The following PCDH11Y variants were observed in gnomAD, a reference collection of about 807,000 sequenced individuals.
PCDH11Y encodes protocadherin-11 Y-linked.
For synonymous variants in PCDH11Y, 9 were observed against 83.6 expected (o/e 0.11, Z 4.87); for missense variants, 12 against 224.8 (o/e 0.05, Z 6.05).
chrY:5,271,605 G>GA (rs2053036856), intron 2 of PCDH11Y, among the ~76,000 whole-genome samples: 1 of 33,203 alleles, frequency 3.0e-5, no homozygotes, highest in African/African-American at 1.1e-4. Context: ...ATGCTTACAT[G>GA]AAAAAATAAA....
chrY:5,100,104 T>C (rs2124636488), exon 2 of PCDH11Y: 1 of 394,659 alleles, frequency 2.5e-6, no homozygotes, highest in East Asian at 9.4e-5. Flanking sequence ...CTAGTGACTA[T>C]GTCAAGATCC....
At chrY:5,240,106 G>A (rs1602892074) in intron 2 of PCDH11Y, among the ~76,000 whole-genome samples, 1 of 33,712 alleles carries the variant, frequency 3.0e-5, no homozygotes, top group Non-Finnish European at 7.3e-5. Flanking sequence ...AATGTTCACC[G>A]CATCTTCACC....
At chrY:5,244,680 G>A in intron 2 of PCDH11Y, among the ~76,000 whole-genome samples, 1 of 34,073 alleles carries the variant, frequency 2.9e-5, no homozygotes, top group African/African-American at 1.1e-4. Flanking sequence ...CCCCAACCAC[G>A]GAGCTGCATA....
At chrY:5,616,064 C>A in intron 4 of PCDH11Y, among the ~76,000 whole-genome samples, 1 of 32,966 alleles carries the variant, frequency 3.0e-5, no homozygotes, top group Non-Finnish European at 7.5e-5. Context: ...TCCACCCATT[C>A]CCATATCCCT....
chrY:5,413,953 G>A, intron 2 of PCDH11Y, among the ~76,000 whole-genome samples: 1 of 32,635 alleles, frequency 3.1e-5, no homozygotes, highest in East Asian at 8.2e-4. Context: ...TGTCCTCTTT[G>A]AAATTTCCGA....
intron 3 of PCDH11Y, among the ~76,000 whole-genome samples, chrY:5,557,485 G>A: frequency 3.0e-5 from 1 of 33,248 alleles, no homozygotes; most frequent in Non-Finnish European, 7.5e-5. Context: ...TTGGGAAGGA[G>A]TGTAAAAATT....
chrY:5,668,947 T>C, intron 4 of PCDH11Y, among the ~76,000 whole-genome samples: 1 of 30,918 alleles, frequency 3.2e-5, no homozygotes, highest in African/African-American at 1.3e-4. Flanking sequence ...TGGTTCAGAA[T>C]AAATAAAACA....
intron 2 of PCDH11Y, among the ~76,000 whole-genome samples, chrY:5,345,767 G>A (rs2053151705): frequency 3.3e-5 from 1 of 30,587 alleles, no homozygotes; most frequent in Admixed American, 3.1e-4. Flanking sequence ...GGGTTCAAGC[G>A]AGTCTCCAGC....
intron 2 of PCDH11Y, among the ~76,000 whole-genome samples, chrY:5,418,409 G>A: frequency 3.6e-5 from 1 of 27,838 alleles, no homozygotes; most frequent in Non-Finnish European, 8.6e-5. Flanking sequence ...CAACCTATGT[G>A]GATGGTATTA....
At chrY:5,239,617 A>C in intron 2 of PCDH11Y, among the ~76,000 whole-genome samples, 1 of 33,784 alleles carries the variant, frequency 3.0e-5, no homozygotes, top group African/African-American at 1.2e-4. Context: ...AAAAAAGATA[A>C]AATAAAACAA....
intron 2 of PCDH11Y, among the ~76,000 whole-genome samples, chrY:5,492,042 C>T (rs1163852827): frequency 0.012 from 390 of 33,671 alleles, no homozygotes; most frequent in Non-Finnish European, 6.6e-4. Context: ...TCTGGTGAAG[C>T]AATACCCCAA....
chrY:5,185,549 A>C, intron 2 of PCDH11Y, among the ~76,000 whole-genome samples: 2 of 30,477 alleles, frequency 6.6e-5, no homozygotes. Context: ...AGATTAGTTG[A>C]CTCTATACAT....
intron 1 of PCDH11Y, among the ~76,000 whole-genome samples, chrY:5,025,141 A>G: frequency 3.0e-5 from 1 of 33,290 alleles, no homozygotes; most frequent in African/African-American, 1.2e-4. Flanking sequence ...AAATGCACTT[A>G]TCACAGTTCT....
chrY:5,297,729 C>G (rs2053076808), intron 2 of PCDH11Y, among the ~76,000 whole-genome samples: 4 of 33,150 alleles, frequency 1.2e-4, no homozygotes, highest in Admixed American at 8.3e-4. Flanking sequence ...CTCCATACCT[C>G]GTGGCCACAA....
At chrY:5,460,905 A>G in intron 2 of PCDH11Y, among the ~76,000 whole-genome samples, 3 of 33,477 alleles carry the variant, frequency 9.0e-5, no homozygotes, top group African/African-American at 2.3e-4. Context: ...TATTATGTGA[A>G]TAAATAATGC....
At chrY:5,637,022 A>C in intron 4 of PCDH11Y, among the ~76,000 whole-genome samples, 2 of 32,761 alleles carry the variant, frequency 6.1e-5, no homozygotes, top group East Asian at 1.6e-3. Flanking sequence ...TGATTCAATA[A>C]AGTTTTTTCT....
chrY:5,045,418 T>C, intron 3 of PCDH11Y, among the ~76,000 whole-genome samples: 1 of 32,701 alleles, frequency 3.1e-5, no homozygotes, highest in Non-Finnish European at 7.5e-5. Context: ...ATTCTTTCCT[T>C]TAAGAATGTT....
In PCDH11Y at chrY:5,547,525, T is replaced by C. The variant is rs2053414479; in HGVS notation, c.3329-34250T>C. On this transcript the variant is annotated intron_variant, in intron 3 of 4. Coordinates refer to the PCDH11Y transcript ENST00000400457. ...TAGCTTAAGAGAAGAAAAGACAAAA[T>C]GTAAGTATCAGTCTCTGGCAGACTA... Among the ~76,000 whole-genome samples, 18 of 32,789 alleles carry C rather than the reference T, an allele frequency of 5.5e-4. No homozygotes were observed. In the South Asian group the frequency reaches 0.012, roughly 22 times the overall value. 88.0% of individuals were successfully genotyped at this position (32,789 alleles called of 37,273 possible). A position where few individuals can be genotyped will look rare whatever the true frequency, so the allele number is the denominator to read the frequency against.
intron 3 of PCDH11Y, among the ~76,000 whole-genome samples, chrY:5,516,531 A>G: frequency 3.0e-5 from 1 of 33,451 alleles, no homozygotes; most frequent in Non-Finnish European, 7.4e-5. Flanking sequence ...TTTTGTTTCA[A>G]AACATCATGA....
Sources: allele counts gnomAD v4.1 joint callset (sites outside exome capture counted in the v4.1 genomes callset), GRCh38; gene constraint gnomAD v4.1.1; transcripts MANE v1.5; gene names NCBI Gene and HGNC (gene_info 2026-07-23, HGNC 2026-07-21).